TET1: variants seen among roughly 807,000 people sequenced by gnomAD.
TET1 encodes tet methylcytosine dioxygenase 1, also known as methylcytosine dioxygenase TET1.
A neutral mutation model predicts 148.7 loss-of-function variants in TET1; 13 were observed. The ratio of observed to expected loss-of-function variants is 0.09; its 90% confidence interval spans 0.06 to 0.14. The LOEUF (loss-of-function observed/expected upper bound fraction) is 0.14, where lower values mean the gene tolerates loss of function less well. Among genes scored for constraint, TET1 ranks in the 10% least tolerant of loss-of-function variants. TET1 has a pLI of 1.00. For missense variants in TET1, 2,182 were observed against 2,553.8 expected (o/e 0.85, Z 3.14); for synonymous variants, 907 against 937.2 (o/e 0.97, Z 0.59).
chr10:68,611,674 CTTTCTTTTCT>C (rs376782312), intron 3 of TET1, among the ~76,000 whole-genome samples: 2,209 of 148,822 alleles, frequency 0.015, 47 homozygotes, highest in African/African-American at 0.051. Flanking sequence ...CTTTTCTTTT[CTTTCTTTTCT>C]TTTCTTTTCT....
chr10:68,671,403 T>C (rs1376511785), intron 7 of TET1, among the ~76,000 whole-genome samples: 4 of 152,278 alleles, frequency 2.6e-5, no homozygotes, highest in Non-Finnish European at 2.9e-5. Context: ...GGCTGCATAC[T>C]ATTCTGTGGT....
intron 2 of TET1, among the ~76,000 whole-genome samples, chr10:68,575,735 A>C (rs964260870): frequency 6.7e-6 from 1 of 150,030 alleles, no homozygotes; most frequent in African/African-American, 2.5e-5. Flanking sequence ...ATAAATAAAT[A>C]AATAGGCCGG....
intron 11 of TET1, among the ~76,000 whole-genome samples, chr10:68,690,373 C>T (rs1358192197): frequency 6.6e-6 from 1 of 151,980 alleles, no homozygotes; most frequent in Non-Finnish European, 1.5e-5. Context: ...TTTGGGAGGC[C>T]GAGGTGGGTG....
chr10:68,683,037 T>TA, intron 10 of TET1, 64 bp downstream of exon 10: 3 of 1,546,024 alleles, frequency 1.9e-6, no homozygotes, highest in Non-Finnish European at 1.8e-6. Flanking sequence ...CTGCAGTCCT[T>TA]ACGTATACTG....
At chr10:68,684,302 A>T (rs1379804263) in intron 10 of TET1, among the ~76,000 whole-genome samples, 4 of 151,644 alleles carry the variant, frequency 2.6e-5, no homozygotes, top group Non-Finnish European at 4.4e-5. Context: ...ATATGATCAG[A>T]TCTATCAACA....
At chr10:68,635,517 T>G (rs1488185552) in intron 3 of TET1, among the ~76,000 whole-genome samples, 1 of 152,208 alleles carries the variant, frequency 6.6e-6, no homozygotes, top group African/African-American at 2.4e-5. Flanking sequence ...TATTACTAGC[T>G]CTGCTCCAAA....
At chr10:68,630,580 G>T (rs780902920) in intron 3 of TET1, among the ~76,000 whole-genome samples, 22 of 152,178 alleles carry the variant, frequency 1.4e-4, no homozygotes, top group Admixed American at 7.2e-4. Context: ...CTCCCAAAGC[G>T]CTGGGATTAC....
chr10:68,680,368 T>C (rs2055419437), intron 8 of TET1, among the ~76,000 whole-genome samples: 1 of 152,246 alleles, frequency 6.6e-6, no homozygotes, highest in Non-Finnish European at 1.5e-5. Flanking sequence ...TGAGACAAGA[T>C]CTGGCTCTGT....
At chr10:68,635,802 G>A (rs1179878985) in intron 3 of TET1, among the ~76,000 whole-genome samples, 1 of 152,112 alleles carries the variant, frequency 6.6e-6, no homozygotes, top group Non-Finnish European at 1.5e-5. Context: ...GACCAGCCTA[G>A]GCAACAAACC....
chr10:68,638,718 T>G (rs2054691777), intron 3 of TET1, among the ~76,000 whole-genome samples: 1 of 151,892 alleles, frequency 6.6e-6, no homozygotes. Flanking sequence ...TGTTGTTGTT[T>G]TTGGAGTAGC....
chr10:68,608,192 T>C (rs558372776), intron 3 of TET1, among the ~76,000 whole-genome samples: 50 of 152,302 alleles, frequency 3.3e-4, no homozygotes, highest in Non-Finnish European at 5.9e-4. Context: ...CCTCCCAAAG[T>C]GCTGGGATTA....
In TET1 at chr10:68,645,649, A is replaced by G; in HGVS notation, c.2920A>G (p.Thr974Ala). ...CAACACGGTGGTTTTCAATGGGCAAACTACTACCCTTTCCAACTCACATAT... is the reference window on the plus strand; with the variant it reads ...CAACACGGTGGTTTTCAATGGGCAAGCTACTACCCTTTCCAACTCACATAT... ...SCNTVVFNGQTTTLSNSHINS... is the reference protein window; with the variant it reads ...SCNTVVFNGQATTLSNSHINS... Residue 974 changes from threonine (T) to alanine (A), a missense_variant, in exon 4 of 12, where the codon ACT becomes GCT. Physicochemically the swap from Thr to Ala is moderately conservative, Grantham distance 58. Coordinates refer to ENST00000373644, the MANE Select transcript of TET1 (RefSeq NM_030625.3). 1 of 1,614,220 alleles carries G rather than the reference A, an allele frequency of 6.2e-7. No individual in the cohort carries two copies. Among genetic ancestry groups the G allele is most frequent in the Non-Finnish European group, 8.5e-7 (1 of 1,180,030 alleles).
intron 11 of TET1, among the ~76,000 whole-genome samples, chr10:68,687,426 C>T (rs1169361896): frequency 1.3e-5 from 2 of 152,040 alleles, no homozygotes; most frequent in African/African-American, 4.8e-5. Context: ...CGAAGCCCTA[C>T]TCGTTGTTGG....
At chr10:68,638,161 GCCTGA>G (rs1253975663) in intron 3 of TET1, among the ~76,000 whole-genome samples, 1 of 152,136 alleles carries the variant, frequency 6.6e-6, no homozygotes, top group African/African-American at 2.4e-5. Flanking sequence ...GCAGAACAGG[GCCTGA>G]CCTCTATACT....
At position 68,645,020 on chromosome 10, in the gene TET1, A is replaced by G. The variant is rs1193807052; in HGVS notation, c.2291A>G (p.His764Arg). 6.2e-7 allele frequency: 1 copy of G among 1,613,354 alleles called. No homozygotes were observed. Among genetic ancestry groups the G allele is most frequent in the Admixed American group, 1.7e-5 (1 of 59,922 alleles). ...GTAAGAAATGGCATTAAACATGTACACTGTTTACCAGCTGAAACAAATGTT... is the reference window on the plus strand; with the variant it reads ...GTAAGAAATGGCATTAAACATGTACGCTGTTTACCAGCTGAAACAAATGTT... ...QTVRNGIKHV[H>R]CLPAETNVSF... Residue 764 changes from histidine to arginine, a missense_variant, in exon 4 of 12, where the codon CAC (histidine) becomes CGC (arginine). His to Arg is a conservative substitution (Grantham distance 29). Transcript: ENST00000373644.
rs532788162 is a variant in TET1, at chr10:68,676,385, G to A, written c.4824+3340G>A. The stretch of plus-strand genomic sequence containing the variant: ...TGCAAACTCCGCCTCCCAGGTTCAC[G>A]CCATTCTCCTGCCTCAGCCTCCCAA... On this transcript the variant is annotated intron_variant, in intron 8 of 11. Transcript: ENST00000373644. Among the ~76,000 whole-genome samples the A allele has an allele frequency of 2.4e-3, 343 of 140,118 alleles. 2 individuals carry two copies. The highest frequency in any genetic ancestry group is 8.5e-3 in the African/African-American group (321 of 37,576). 91.9% of individuals were successfully genotyped at this position (140,118 alleles called of 152,430 possible). A position where few individuals can be genotyped will look rare whatever the true frequency, so the allele number is the denominator to read the frequency against.
chr10:68,578,939 C>T (rs547071132), intron 2 of TET1, among the ~76,000 whole-genome samples: 34 of 152,080 alleles, frequency 2.2e-4, no homozygotes, highest in Non-Finnish European at 3.5e-4. Flanking sequence ...ATTGCGTGAA[C>T]CTGTGAAGCT....
intron 3 of TET1, among the ~76,000 whole-genome samples, chr10:68,641,301 C>T (rs1489410709): frequency 6.6e-6 from 1 of 151,764 alleles, no homozygotes; most frequent in East Asian, 1.9e-4. Flanking sequence ...CTCCTGGGTT[C>T]AAGCGATTCT....
intron 8 of TET1, among the ~76,000 whole-genome samples, chr10:68,678,073 T>G (rs2055385778): frequency 6.6e-6 from 1 of 151,060 alleles, no homozygotes; most frequent in Non-Finnish European, 1.5e-5. Flanking sequence ...AATCAAAGAG[T>G]TTTAAGGAGG....
Sources: allele counts gnomAD v4.1 joint callset (sites outside exome capture counted in the v4.1 genomes callset), GRCh38; gene constraint gnomAD v4.1.1; transcripts MANE v1.5; gene names NCBI Gene and HGNC (gene_info 2026-07-23, HGNC 2026-07-21).